Variants in CRAMP1 observed in about 807,000 individuals in gnomAD.
CRAMP1 encodes the protein protein cramped-like.
CRAMP1 carries 50 observed loss-of-function variants against 115.4 expected under a neutral mutation model. The observed-to-expected ratio is 0.43, with a 90% confidence interval of 0.35 to 0.55. The LOEUF is 0.55. Ranked by LOEUF, CRAMP1 falls within the 20% of genes least tolerant of loss-of-function variation. The probability of loss-of-function intolerance (pLI) is 0.01; values close to 1 mark genes in which losing one functional copy is unlikely to be tolerated. For synonymous variants in CRAMP1, 866 were observed against 745.4 expected (o/e 1.16, Z -2.64); for missense variants, 1,679 against 1,721.7 (o/e 0.98, Z 0.44).
At chr16:1,627,570 G>T (rs1029635930) in intron 3 of CRAMP1, among the ~76,000 whole-genome samples, 1 of 152,198 alleles carries the variant, frequency 6.6e-6, no homozygotes, top group Non-Finnish European at 1.5e-5. Flanking sequence ...ACTTGAGTAC[G>T]GTGCATGCTG....
intron 6 of CRAMP1, among the ~76,000 whole-genome samples, chr16:1,649,994 A>T (rs2036709826): frequency 6.6e-6 from 1 of 151,538 alleles, no homozygotes; most frequent in Admixed American, 6.6e-5. Flanking sequence ...GGGTTTCGTC[A>T]TATTGGTCAG....
intron 6 of CRAMP1, among the ~76,000 whole-genome samples, chr16:1,645,754 C>T (rs1272210980): frequency 1.3e-5 from 2 of 152,236 alleles, no homozygotes; most frequent in African/African-American, 4.8e-5. Context: ...GTCTCCCGCT[C>T]TCTCTAGCTG....
chr16:1,651,622 T>TGAGGTCACA (rs2036723838), intron 6 of CRAMP1, among the ~76,000 whole-genome samples: 1 of 141,716 alleles, frequency 7.1e-6, no homozygotes, highest in African/African-American at 2.7e-5. Context: ...GGAGGTGGAC[T>TGAGGTCACA]GAGAGGTCAC....
intron 13 of CRAMP1, among the ~76,000 whole-genome samples, chr16:1,663,692 A>C (rs566051944): frequency 1.8e-3 from 268 of 152,244 alleles, no homozygotes; most frequent in Admixed American, 3.1e-3. Context: ...GAACGTTACC[A>C]CCCAGAAAGG....
Position 1,652,908 on chromosome 16 carries a change from C to G in CRAMP1, c.914-125C>G. On this transcript the variant is annotated intron_variant, in intron 7 of 20. Coordinates refer to ENST00000397412, the MANE Select transcript of CRAMP1 (RefSeq NM_020825.4). Reference sequence around the variant, plus strand: ...TCTTCTTCGCTGGGGTTTCTCTGCTCTCCTTGCCTCTGTTTGCAAGGCCAT... The same window carrying G: ...TCTTCTTCGCTGGGGTTTCTCTGCTGTCCTTGCCTCTGTTTGCAAGGCCAT... The G allele has an allele frequency of 2.5e-6, 3 of 1,180,016 alleles. No homozygotes were observed. The East Asian group carries it at 7.5e-5, about 29-fold the overall frequency. 73.1% of individuals were successfully genotyped at this position (1,180,016 alleles called of 1,614,324 possible).
At chr16:1,635,936 C>T (rs1309355641) in intron 4 of CRAMP1, among the ~76,000 whole-genome samples, 3 of 152,166 alleles carry the variant, frequency 2.0e-5, no homozygotes, top group Non-Finnish European at 4.4e-5. Context: ...CACTCAGCGT[C>T]AGGTTTCAGG....
Position 1,674,165 on chromosome 16 carries a change from G to A in CRAMP1, c.*120G>A. On this transcript the variant is annotated 3_prime_UTR_variant, in exon 21 of 21. Transcript: ENST00000397412. ...CGCACCCAAGACTGTGCAACGGGCA[G>A]GAACGTGGTCACAGAGCTGCTTCCC... The A allele has an allele frequency of 9.9e-7, 1 of 1,015,190 alleles. No individual in the cohort carries two copies. The highest frequency in any genetic ancestry group is 1.6e-5 in the African/African-American group (1 of 61,764). The allele number at this position is 1,015,190 out of a possible 1,614,324, so 62.9% of individuals were successfully genotyped here.
At chr16:1,667,853 A>G in intron 17 of CRAMP1, 109 bp from the exon 18 acceptor site, 5 of 685,628 alleles carry the variant, frequency 7.3e-6, no homozygotes, top group Non-Finnish European at 7.7e-6. Flanking sequence ...TGCAGCGCTC[A>G]TCACCCTATT....
Position 1,666,446 on chromosome 16 carries a change from G to C in CRAMP1, c.2882G>C (p.Ser961Thr). Reference sequence around the variant, plus strand: ...GGTGCTATCGACTTAGCAGCTACAAGTGCCGGCATCCTTTCCGGGAACCCC... The same window carrying C: ...GGTGCTATCGACTTAGCAGCTACAACTGCCGGCATCCTTTCCGGGAACCCC... Reference protein sequence around the residue: ...LASAIDLAATSAGILSGNPLP... With the variant: ...LASAIDLAATTAGILSGNPLP... Residue 961 changes from serine (S) to threonine (T), a missense_variant, in exon 16 of 21, where the codon AGT (serine) becomes ACT (threonine). Physicochemically the swap from Ser to Thr is moderately conservative, Grantham distance 58 (BLOSUM62 1). Coordinates refer to ENST00000397412, the MANE Select transcript of CRAMP1 (RefSeq NM_020825.4). The surrounding 1 kb of genome is among the most constrained non-coding windows in gnomAD (Gnocchi z 5.0). The C allele has an allele frequency of 6.2e-7, 1 of 1,613,570 alleles. No individual in the cohort carries two copies. The highest frequency in any genetic ancestry group is 8.5e-7 in the Non-Finnish European group (1 of 1,179,706).
chr16:1,656,011 C>T lies in CRAMP1; in HGVS notation c.1254C>T (p.Ser418=), dbSNP rs2036769063. ...CGGGCGTGGCTCGCGTGGTGCACTC[C>T]AAGGCCTTCTGCACAGTGCACTGGC... The part of the protein sequence containing the change: ...PLPGVARVVH[S]KAFCTVHWQE... The change falls in exon 10 of 21, where the codon TCC becomes TCT. Residue 418 remains serine, a synonymous_variant. Transcript: ENST00000397412. This position sits in a 1 kb window ranked among gnomAD's most constrained non-coding sequence, Gnocchi z 5.6. The T allele has an allele frequency of 6.2e-7, 1 of 1,612,786 alleles. No homozygotes were observed. Among genetic ancestry groups the T allele is most frequent in the African/African-American group, 1.3e-5 (1 of 75,068 alleles).
At chr16:1,648,892 A>G (rs980972623) in intron 6 of CRAMP1, among the ~76,000 whole-genome samples, 7 of 151,762 alleles carry the variant, frequency 4.6e-5, no homozygotes, top group Admixed American at 3.3e-4. Flanking sequence ...CCCTGTCTCC[A>G]CTAAAAATAC....
chr16:1,673,913 C>T lies in CRAMP1; in HGVS notation c.3678C>T (p.Asn1226=), dbSNP rs746642610. 17 of 1,613,724 alleles carry T rather than the reference C, an allele frequency of 1.1e-5. No individual in the cohort carries two copies. In the East Asian group the frequency reaches 1.8e-4, roughly 17 times the overall value. ...VVDSQLVCMM[N]ENSIDYISRF... is the part of the protein sequence containing the mutation. The stretch of plus-strand genomic sequence containing the variant: ...ATTCCCAGCTGGTGTGCATGATGAA[C>T]GAAAACAGCATTGATTACATTTCTC... The change falls in exon 21 of 21, where the codon AAC becomes AAT. Residue 1226 remains asparagine (N), a synonymous_variant. Coordinates refer to ENST00000397412, the MANE Select transcript of CRAMP1 (RefSeq NM_020825.4).
At chr16:1,627,055 C>T (rs765167608) in intron 3 of CRAMP1, among the ~76,000 whole-genome samples, 6 of 152,150 alleles carry the variant, frequency 3.9e-5, no homozygotes, top group Non-Finnish European at 7.3e-5. Context: ...TCGTAAGTAA[C>T]GCTGTGGTGA....
intron 1 of CRAMP1, among the ~76,000 whole-genome samples, chr16:1,613,547 C>T (rs577732513): frequency 5.9e-5 from 9 of 152,312 alleles, no homozygotes; most frequent in African/African-American, 2.2e-4. Context: ...CACACGTGCC[C>T]GTCCCGGACT....
intron 4 of CRAMP1, among the ~76,000 whole-genome samples, chr16:1,634,514 C>A (rs1043279984): frequency 2.6e-5 from 4 of 151,840 alleles, no homozygotes; most frequent in Non-Finnish European, 4.4e-5. Flanking sequence ...ACACCCAACA[C>A]AGGTCCTTTT....
chr16:1,634,614 T>A (rs572149589), intron 4 of CRAMP1, among the ~76,000 whole-genome samples: 60 of 152,286 alleles, frequency 3.9e-4, no homozygotes, highest in Non-Finnish European at 7.2e-4. Context: ...TTCGTGCATC[T>A]TTGGTGTGAC....
chr16:1,667,314 A>G (rs1596498702), intron 16 of CRAMP1, 21 bp from the exon 17 acceptor site: 3 of 1,611,286 alleles, frequency 1.9e-6, no homozygotes, highest in Non-Finnish European at 2.5e-6. Context: ...GCGGCTGCTC[A>G]TGGGCGTGCT....
intron 3 of CRAMP1, among the ~76,000 whole-genome samples, chr16:1,627,127 T>C (rs961419925): frequency 5.9e-5 from 9 of 152,148 alleles, no homozygotes; most frequent in African/African-American, 1.7e-4. Flanking sequence ...TAGAATTAGG[T>C]TCGTGATCGG....
rs548158115 is a variant in CRAMP1, at chr16:1,675,999, G to C, written c.*1954G>C. 6.6e-6 allele frequency: 1 copy of C among 152,238 alleles called. No individual in the cohort carries two copies. The highest frequency in any genetic ancestry group is 1.5e-5 in the Non-Finnish European group (1 of 68,078). The allele number at this position is 152,238 out of a possible 1,614,324, so 9.4% of individuals were successfully genotyped here. A position where few individuals can be genotyped will look rare whatever the true frequency, so the allele number is the denominator to read the frequency against. On this transcript the variant is annotated 3_prime_UTR_variant, in exon 21 of 21. Transcript: ENST00000397412. The stretch of plus-strand genomic sequence containing the variant: ...GCTTTGCTGCGTCTCTAGAGGGTTA[G>C]GATACCAGGCCGAGTTCAGGCCACT...
Sources: gnomAD v4.1 joint callset for allele counts (sites outside exome capture counted in the v4.1 genomes callset) on GRCh38, gnomAD v4.1.1 for gene constraint, Gnocchi (gnomAD v3.1) non-coding constraint, MANE v1.5 for transcripts, NCBI Gene and HGNC (gene_info 2026-07-23, HGNC 2026-07-21) for gene names.